MCC: variants seen among roughly 807,000 people sequenced by gnomAD.
The protein encoded by MCC is MCC regulator of Wnt signaling pathway, also known as colorectal mutant cancer protein.
A neutral mutation model predicts 116.2 loss-of-function variants in MCC; 90 were observed. That is an observed-to-expected ratio of 0.77 (90% CI 0.65 to 0.92). The LOEUF (loss-of-function observed/expected upper bound fraction) is 0.92. Ranked by LOEUF, MCC falls within the 40% of genes least tolerant of loss-of-function variation. The pLI is 0.00. For synonymous variants in MCC, 578 were observed against 510.5 expected (o/e 1.13, Z -1.78); for missense variants, 1,516 against 1,312.2 (o/e 1.16, Z -2.40).
At chr5:113,242,985 T>C (rs896104280) in intron 3 of MCC, among the ~76,000 whole-genome samples, 3 of 152,204 alleles carry the variant, frequency 2.0e-5, no homozygotes, top group African/African-American at 4.8e-5. Context: ...TGAGATATCA[T>C]GGAGGGAAAG....
intron 3 of MCC, among the ~76,000 whole-genome samples, chr5:113,229,846 T>C (rs564037180): frequency 1.3e-5 from 2 of 152,354 alleles, no homozygotes; most frequent in East Asian, 3.9e-4. Flanking sequence ...CTACACCATA[T>C]GGCCTAGATG....
At chr5:113,029,147 G>A (rs974533153) in intron 17 of MCC, 91 bp from the exon 18 acceptor site, 3 of 1,361,414 alleles carry the variant, frequency 2.2e-6, no homozygotes, top group African/African-American at 2.9e-5. Flanking sequence ...AAAGAGGAAG[G>A]TTTAGCTTGC....
At position 113,027,347 on chromosome 5, in the gene MCC, T is replaced by C. The variant is rs757402849; in HGVS notation, c.3015A>G (p.Leu1005=). ...VRMLKQRIAL[L]EEENSRPHTN... is the part of the protein sequence containing the mutation. ...TGTGTGGCCTGGAGTTCTCCTCCTC[T>C]AGCAGAGCTATTCTTTGCTTGAGCA... Residue 1005 remains leucine (L), a synonymous_variant, in exon 19 of 19, where the codon CTA becomes CTG. Coordinates refer to ENST00000408903, the MANE Select transcript of MCC (RefSeq NM_001085377.2). 1.9e-6 allele frequency: 3 copies of C among 1,614,216 alleles called. No individual in the cohort carries two copies. The highest frequency in any genetic ancestry group is 2.5e-6 in the Non-Finnish European group (3 of 1,180,014).
intron 3 of MCC, among the ~76,000 whole-genome samples, chr5:113,325,026 G>T (rs1211264199): frequency 1.3e-5 from 2 of 151,846 alleles, no homozygotes; most frequent in African/African-American, 4.8e-5. Context: ...TCTCAGTAAA[G>T]GCAGGGTCTC....
chr5:113,122,896 T>C, intron 5 of MCC, 70 bp from the exon 6 acceptor site: 2 of 1,504,592 alleles, frequency 1.3e-6, no homozygotes, highest in Non-Finnish European at 9.2e-7. Flanking sequence ...ATATGTCTTT[T>C]AAGGACAAGA....
At chr5:113,204,879 C>T (rs1762843350) in intron 3 of MCC, among the ~76,000 whole-genome samples, 1 of 152,204 alleles carries the variant, frequency 6.6e-6, no homozygotes, top group Non-Finnish European at 1.5e-5. Flanking sequence ...TATCCATCCA[C>T]TGATCAATGC....
At chr5:113,457,067 A>C (rs1733853691) in intron 1 of MCC, among the ~76,000 whole-genome samples, 1 of 152,086 alleles carries the variant, frequency 6.6e-6, no homozygotes, top group South Asian at 2.1e-4. Flanking sequence ...CCTTCAGCCC[A>C]CCGCTGCACT....
At chr5:113,260,289 A>G (rs550756347) in intron 3 of MCC, among the ~76,000 whole-genome samples, 115 of 152,260 alleles carry the variant, frequency 7.6e-4, no homozygotes, top group African/African-American at 2.6e-3. Flanking sequence ...ATATTAACCT[A>G]GATACTTTTT....
chr5:113,112,781 A>G (rs76159029), intron 6 of MCC, among the ~76,000 whole-genome samples: 1 of 152,352 alleles, frequency 6.6e-6, no homozygotes, highest in East Asian at 1.9e-4. Flanking sequence ...TGCTCTACAA[A>G]CACTGGATGA....
intron 3 of MCC, among the ~76,000 whole-genome samples, chr5:113,314,526 A>G (rs995758242): frequency 2.0e-5 from 3 of 152,250 alleles, no homozygotes; most frequent in Non-Finnish European, 4.4e-5. Flanking sequence ...TCATGGTGAC[A>G]TGGTCCAAGA....
intron 3 of MCC, among the ~76,000 whole-genome samples, chr5:113,280,950 T>C (rs1039885060): frequency 2.6e-5 from 4 of 152,192 alleles, no homozygotes; most frequent in Non-Finnish European, 4.4e-5. Flanking sequence ...GGCTTAGGTT[T>C]AGGGCTTCTT....
rs374267122 is a variant in MCC at position 113,078,688 on chromosome 5, C to A, written c.1784+4172G>T. Among the ~76,000 whole-genome samples, 59 of 152,168 alleles carry A rather than the reference C, an allele frequency of 3.9e-4. No homozygotes were observed. The South Asian group carries it at 0.011, about 29-fold the overall frequency. On this transcript the variant is annotated intron_variant, in intron 11 of 18. Transcript: ENST00000408903. ...ATAATAAGAGCTATCTATGACAAAC[C>A]CACAGCCAATATCATACTGAATGGG...
chr5:113,417,899 C>T lies in MCC; in HGVS notation c.171-32687G>A, dbSNP rs912829180. Among the ~76,000 whole-genome samples, 5 of 151,512 alleles carry T rather than the reference C, an allele frequency of 3.3e-5. No homozygotes were observed. In the East Asian group the frequency reaches 9.7e-4, roughly 29 times the overall value. Reference sequence around the variant, plus strand: ...AGTGAGCTGAGATAGTGCTACTGCACTCCAGCCTGGGTGACAGAGTGAGAC... The same window carrying T: ...AGTGAGCTGAGATAGTGCTACTGCATTCCAGCCTGGGTGACAGAGTGAGAC... On this transcript the variant is annotated intron_variant, in intron 1 of 18. Transcript: ENST00000408903.
intron 1 of MCC, among the ~76,000 whole-genome samples, chr5:113,464,561 C>T (rs757208206): frequency 1.3e-5 from 2 of 152,038 alleles, no homozygotes; most frequent in African/African-American, 2.4e-5. Context: ...TCACTATTCC[C>T]TTCCCTGCCT....
chr5:113,265,130 T>C (rs1262811271), intron 3 of MCC, among the ~76,000 whole-genome samples: 1 of 152,190 alleles, frequency 6.6e-6, no homozygotes, highest in Non-Finnish European at 1.5e-5. Flanking sequence ...TGAGTAGTAA[T>C]GTCAGAGACC....
chr5:113,329,133 G>A (rs1767634684), intron 3 of MCC, among the ~76,000 whole-genome samples: 2 of 152,158 alleles, frequency 1.3e-5, no homozygotes, highest in Non-Finnish European at 2.9e-5. Flanking sequence ...ATAAAGTTGT[G>A]AGGATTAAGC....
intron 9 of MCC, among the ~76,000 whole-genome samples, chr5:113,084,736 T>C (rs1384547166): frequency 6.6e-6 from 1 of 152,214 alleles, no homozygotes; most frequent in Non-Finnish European, 1.5e-5. Flanking sequence ...CCACAGCCTG[T>C]CCATCATAAT....
intron 12 of MCC, among the ~76,000 whole-genome samples, chr5:113,069,705 C>T (rs1753896454): frequency 6.6e-6 from 1 of 152,224 alleles, no homozygotes; most frequent in Admixed American, 6.5e-5. Flanking sequence ...CCTCAGCCTC[C>T]TGAGTAGCTG....
intron 3 of MCC, among the ~76,000 whole-genome samples, chr5:113,180,318 C>T (rs537198364): frequency 2.6e-5 from 4 of 152,244 alleles, no homozygotes; most frequent in African/African-American, 9.6e-5. Flanking sequence ...GACTTCAGTA[C>T]AGTGCTTCCA....
Sources: allele counts gnomAD v4.1 joint callset (sites outside exome capture counted in the v4.1 genomes callset), GRCh38; gene constraint gnomAD v4.1.1; transcripts MANE v1.5; gene names NCBI Gene and HGNC (gene_info 2026-07-23, HGNC 2026-07-21).